Variants in UMAD1 observed in about 807,000 individuals in gnomAD.
UMAD1 encodes UBAP1-MVB12-associated (UMA) domain containing 1.
A neutral mutation model predicts 6.1 loss-of-function variants in UMAD1; 8 were observed. That is an observed-to-expected ratio of 1.30 (90% CI 0.76 to 2.35). The LOEUF is 2.35. Among genes scored for constraint, UMAD1 ranks in the 30% most tolerant of loss-of-function variants. UMAD1 has a pLI of 0.00. For synonymous variants in UMAD1, 56 were observed against 31.4 expected, an observed-to-expected ratio of 1.78 and a Z score of -2.61; for missense variants, 130 against 78.4, an observed-to-expected ratio of 1.66 and a Z score of -2.49.
chr7:7,651,693 A>G (rs1323828676), intron 1 of UMAD1, among the ~76,000 whole-genome samples: 1 of 152,164 alleles, frequency 6.6e-6, no homozygotes, highest in African/African-American at 2.4e-5. Flanking sequence ...AGAGGGATGT[A>G]CACATTTCCT....
chr7:7,816,191 A>T (rs1292865199), intron 3 of UMAD1, among the ~76,000 whole-genome samples: 1 of 1,614 alleles, frequency 6.2e-4, no homozygotes, highest in Non-Finnish European at 1.6e-3. Context: ...CAAGGTCACA[A>T]AAAAAACAGT....
At chr7:7,672,760 T>G (rs747776053) in intron 1 of UMAD1, among the ~76,000 whole-genome samples, 32 of 152,208 alleles carry the variant, frequency 2.1e-4, no homozygotes, top group Non-Finnish European at 4.1e-4. Context: ...CCTTTCTTTA[T>G]AAATCACTCA....
chr7:7,814,664 A>G (rs1393149238), intron 3 of UMAD1, among the ~76,000 whole-genome samples: 7 of 152,052 alleles, frequency 4.6e-5, no homozygotes, highest in Non-Finnish European at 5.9e-5. Context: ...TTATTTTAAT[A>G]GGTTGTAAGT....
rs1285908322 is a variant in UMAD1 at position 7,668,944 on chromosome 7, G to A, written c.-63-4365G>A. The stretch of plus-strand genomic sequence containing the variant: ...CCACACTCACTCAGAAAGGAACCAT[G>A]TAGACATGCCAGTCCACCTAATGGA... On this transcript the variant is annotated intron_variant, in intron 1 of 3. Coordinates refer to ENST00000682710, the MANE Select transcript of UMAD1 (RefSeq NM_001302348.2). 1.1e-3 allele frequency among the ~76,000 whole-genome samples: 167 copies of A among 152,144 alleles called. 1 individual carries two copies. The highest frequency in any genetic ancestry group is 2.6e-4 in the Non-Finnish European group (18 of 68,018).
At chr7:7,746,136 C>G (rs775728207) in intron 2 of UMAD1, among the ~76,000 whole-genome samples, 1 of 152,186 alleles carries the variant, frequency 6.6e-6, no homozygotes, top group Non-Finnish European at 1.5e-5. Context: ...TGCTTAGTTG[C>G]TCTCGTGGTT....
chr7:7,763,731 T>C (rs1781935902), intron 2 of UMAD1, among the ~76,000 whole-genome samples: 1 of 152,100 alleles, frequency 6.6e-6, no homozygotes, highest in Non-Finnish European at 1.5e-5. Flanking sequence ...GCAAAATTAG[T>C]TACAAAAATA....
chr7:7,648,925 G>A (rs1226169372), intron 1 of UMAD1, among the ~76,000 whole-genome samples: 1 of 152,016 alleles, frequency 6.6e-6, no homozygotes, highest in African/African-American at 2.4e-5. Context: ...TTGGGAGGCC[G>A]AGGTGGGTGG....
At chr7:7,701,588 CTG>C (rs1780463443) in intron 2 of UMAD1, among the ~76,000 whole-genome samples, 1 of 152,172 alleles carries the variant, frequency 6.6e-6, no homozygotes, top group Non-Finnish European at 1.5e-5. Flanking sequence ...TGCTCTGTGT[CTG>C]TGCTTTTCTG....
At chr7:7,659,110 C>A (rs560380404) in intron 1 of UMAD1, among the ~76,000 whole-genome samples, 71 of 152,272 alleles carry the variant, frequency 4.7e-4, no homozygotes, top group African/African-American at 1.7e-3. Flanking sequence ...TTATAGTATT[C>A]TCTGATGGTA....
chr7:7,869,601 A>G (rs147181258), intron 3 of UMAD1, among the ~76,000 whole-genome samples: 201 of 152,292 alleles, frequency 1.3e-3, no homozygotes, highest in African/African-American at 4.6e-3. Context: ...TCTCTGTCTG[A>G]GGCATAGGTT....
At chr7:7,797,621 A>G (rs1782712743) in intron 2 of UMAD1, among the ~76,000 whole-genome samples, 1 of 152,052 alleles carries the variant, frequency 6.6e-6, no homozygotes, top group Non-Finnish European at 1.5e-5. Context: ...ACCCAGTAGA[A>G]TGGGATCATG....
intron 3 of UMAD1, among the ~76,000 whole-genome samples, chr7:7,844,327 G>C (rs1444139024): frequency 6.6e-6 from 1 of 151,952 alleles, no homozygotes; most frequent in African/African-American, 2.4e-5. Flanking sequence ...CAGCCTCTTT[G>C]CCGCAGACTT....
chr7:7,801,774 G>A (rs1368492274), intron 3 of UMAD1, 31 bp downstream of exon 3: 1 of 715,912 alleles, frequency 1.4e-6, no homozygotes, highest in Non-Finnish European at 2.6e-6. Flanking sequence ...CCTTTTCGGT[G>A]AAACTGAACA....
At chr7:7,789,479 A>G (rs1361138459) in intron 2 of UMAD1, among the ~76,000 whole-genome samples, 1 of 152,234 alleles carries the variant, frequency 6.6e-6, no homozygotes, top group Admixed American at 6.5e-5. Context: ...ATTACTAGTA[A>G]TAAAACCAAT....
chr7:7,801,778 C>G, intron 3 of UMAD1, 35 bp downstream of exon 3: 2 of 715,520 alleles, frequency 2.8e-6, no homozygotes, highest in Non-Finnish European at 5.2e-6. Flanking sequence ...TTCGGTGAAA[C>G]TGAACAAGTC....
intron 2 of UMAD1, among the ~76,000 whole-genome samples, chr7:7,712,845 T>C (rs1178041276): frequency 6.6e-6 from 1 of 152,212 alleles, no homozygotes; most frequent in African/African-American, 2.4e-5. Context: ...TAAAGGCTTA[T>C]TGTAGAAACA....
intron 3 of UMAD1, among the ~76,000 whole-genome samples, chr7:7,823,926 T>C (rs1324896718): frequency 6.6e-6 from 1 of 152,148 alleles, no homozygotes; most frequent in Non-Finnish European, 1.5e-5. Context: ...ATTAAATGCC[T>C]AGCAGTATAA....
At chr7:7,672,571 A>T (rs1779633503) in intron 1 of UMAD1, among the ~76,000 whole-genome samples, 1 of 152,118 alleles carries the variant, frequency 6.6e-6, no homozygotes, top group Non-Finnish European at 1.5e-5. Context: ...TAATTAAATC[A>T]TGGGAGCCAT....
At chr7:7,835,703 A>C (rs1468524206) in intron 3 of UMAD1, among the ~76,000 whole-genome samples, 1 of 151,794 alleles carries the variant, frequency 6.6e-6, no homozygotes, top group Non-Finnish European at 1.5e-5. Context: ...GTCAGTTAAT[A>C]AAGGGATTTA....
Sources: allele counts gnomAD v4.1 joint callset (sites outside exome capture counted in the v4.1 genomes callset), GRCh38; gene constraint gnomAD v4.1.1; transcripts MANE v1.5; gene names NCBI Gene and HGNC (gene_info 2026-07-23, HGNC 2026-07-21).